Variants in RGS6 observed in about 807,000 individuals in gnomAD.
The protein encoded by RGS6 is regulator of G-protein signaling 6.
A neutral mutation model predicts 78.5 loss-of-function variants in RGS6; 30 were observed. The observed-to-expected ratio is 0.38, with a 90% CI of 0.29 to 0.52. RGS6 has a LOEUF of 0.52. Among genes scored for constraint, RGS6 ranks in the 20% least tolerant of loss-of-function variants. The pLI, the probability that RGS6 is intolerant of heterozygous loss-of-function variation, is 0.85. For missense variants in RGS6, 495 were observed against 609.7 expected (o/e 0.81, Z 1.98); for synonymous variants, 206 against 206.0 (o/e 1.00, Z 0.00).
the RGS6 span, among the ~76,000 whole-genome samples, chr14:71,901,786 T>C: frequency 6.6e-6 from 1 of 152,244 alleles, no homozygotes; most frequent in African/African-American, 2.4e-5. Context: ...AATAGAAATC[T>C]AATTTTGTAT....
rs147562940 is a variant in RGS6 at position 71,954,896 on chromosome 14, C to T, written c.-20-9876C>T. Among the ~76,000 whole-genome samples, 318 of 152,312 alleles carry T rather than the reference C, an allele frequency of 2.1e-3. 2 individuals are homozygous for T. The highest frequency in any genetic ancestry group is 2.4e-3 in the Non-Finnish European group (162 of 68,022). ...TTAATGACACAGATAATTCCAACATCCGTGACATATCTGAGTCTGATTCTG... is the reference window on the plus strand; with the variant it reads ...TTAATGACACAGATAATTCCAACATTCGTGACATATCTGAGTCTGATTCTG... On this transcript the variant is annotated intron_variant, in intron 1 of 17. Transcript: ENST00000553525.
At chr14:72,621,065 CG>C in the RGS6 span, among the ~76,000 whole-genome samples, 1 of 151,232 alleles carries the variant, frequency 6.6e-6, no homozygotes, top group Non-Finnish European at 1.5e-5. Context: ...CTCTTGAACC[CG>C]GGAGGTGGAG....
chr14:72,113,607 T>C (rs552109977), intron 2 of RGS6, among the ~76,000 whole-genome samples: 1 of 152,312 alleles, frequency 6.6e-6, no homozygotes, highest in Admixed American at 6.5e-5. Flanking sequence ...CAAAAGTTAG[T>C]TAATTATTAT....
Position 72,274,444 on chromosome 14 carries a change from A to G in RGS6, c.85-77651A>G, listed in dbSNP as rs1008498067. On this transcript the variant is annotated intron_variant, in intron 2 of 17. Coordinates refer to ENST00000553525, the MANE Select transcript of RGS6 (RefSeq NM_001204424.2). Reference sequence around the variant, plus strand: ...CCTCTGGCATCACTGCCTTCCTCCCATGGCCCCCTAGCATGAACCCAAAGA... The same window carrying G: ...CCTCTGGCATCACTGCCTTCCTCCCGTGGCCCCCTAGCATGAACCCAAAGA... Among the ~76,000 whole-genome samples the G allele has an allele frequency of 3.9e-5, 6 of 152,212 alleles. No homozygotes were observed. The East Asian group carries it at 5.8e-4, about 15-fold the overall frequency.
At chr14:72,142,503 G>A (rs1257131570) in intron 2 of RGS6, among the ~76,000 whole-genome samples, 1 of 152,194 alleles carries the variant, frequency 6.6e-6, no homozygotes, top group East Asian at 1.9e-4. Context: ...AAGGGGCCCT[G>A]AGATCATTTG....
intron 2 of RGS6, among the ~76,000 whole-genome samples, chr14:72,068,680 A>G (rs989518529): frequency 6.6e-6 from 1 of 151,500 alleles, no homozygotes; most frequent in African/African-American, 2.4e-5. Flanking sequence ...CATTTTTACC[A>G]GAGATGGGAT....
chr14:72,474,793 C>G lies in RGS6; in HGVS notation c.693+94C>G, dbSNP rs1287509398. On this transcript the variant is annotated intron_variant, in intron 10 of 17. Transcript: ENST00000553525. ...TAGTAATTTGCTACTTGTAATTCTA[C>G]CACCTTTTGTCATTTGAAACCATAA... 3.0e-6 allele frequency: 3 copies of G among 998,628 alleles called. No homozygotes were observed. In the East Asian group the frequency reaches 7.9e-5, roughly 26 times the overall value. The allele number at this position is 998,628 out of a possible 1,614,324, so 61.9% of individuals were successfully genotyped here.
intron 3 of RGS6, among the ~76,000 whole-genome samples, chr14:72,371,430 C>T (rs2083483154): frequency 6.6e-6 from 1 of 152,156 alleles, no homozygotes; most frequent in South Asian, 2.1e-4. Context: ...ATACAAACCC[C>T]TAATTGTACT....
chr14:72,050,838 G>A (rs935635462), intron 2 of RGS6, among the ~76,000 whole-genome samples: 3 of 152,176 alleles, frequency 2.0e-5, no homozygotes. Context: ...TCTGCAGGTG[G>A]ACTGCAGGAC....
chr14:72,479,276 T>C (rs764722136), intron 12 of RGS6, among the ~76,000 whole-genome samples: 7 of 152,190 alleles, frequency 4.6e-5, no homozygotes, highest in Non-Finnish European at 1.0e-4. Context: ...AAGAGTCTGA[T>C]TGAATACCCT....
At chr14:72,332,353 G>T (rs962513387) in intron 2 of RGS6, among the ~76,000 whole-genome samples, 1 of 152,196 alleles carries the variant, frequency 6.6e-6, no homozygotes, top group African/African-American at 2.4e-5. Flanking sequence ...GATTATTGTT[G>T]GGGTTTTAGA....
In RGS6 at chr14:72,560,038, C is replaced by A. The variant is rs373420563; in HGVS notation, c.1423-2379C>A. 3.3e-5 allele frequency among the ~76,000 whole-genome samples: 5 copies of A among 152,278 alleles called. No homozygotes were observed. The South Asian group carries it at 1.0e-3, about 32-fold the overall frequency. ...GTGAAGGTTTGGGCAACTGGTAAAC[C>A]TCACCTCCTTTGTCTCTGGGCTTTG... On this transcript the variant is annotated intron_variant, in intron 17 of 17. Transcript: ENST00000553525.
At chr14:72,602,195 G>A in the RGS6 span, among the ~76,000 whole-genome samples, 2 of 152,152 alleles carry the variant, frequency 1.3e-5, no homozygotes, top group Non-Finnish European at 2.9e-5. Flanking sequence ...TACTTTCCTC[G>A]GCCCTGTTCT....
chr14:72,462,838 G>T (rs761983389), intron 6 of RGS6, among the ~76,000 whole-genome samples: 35 of 152,128 alleles, frequency 2.3e-4, no homozygotes, highest in East Asian at 3.8e-4. Flanking sequence ...GGTTGCCAAG[G>T]TTACCTCCAG....
the RGS6 span, among the ~76,000 whole-genome samples, chr14:71,870,490 C>G: frequency 6.6e-6 from 1 of 152,086 alleles, no homozygotes; most frequent in Admixed American, 6.5e-5. Flanking sequence ...CTACAGAGGT[C>G]TGGGGAGTCT....
intron 3 of RGS6, among the ~76,000 whole-genome samples, chr14:72,354,059 A>G (rs906841189): frequency 6.6e-6 from 1 of 152,132 alleles, no homozygotes; most frequent in Non-Finnish European, 1.5e-5. Context: ...ATATTACTGT[A>G]TATTAACCTA....
intron 2 of RGS6, among the ~76,000 whole-genome samples, chr14:72,187,695 C>T (rs2153710623): frequency 6.6e-6 from 1 of 152,302 alleles, no homozygotes; most frequent in East Asian, 1.9e-4. Flanking sequence ...CCTCCCCTCC[C>T]TTCCCTCAGC....
chr14:72,418,171 C>CTT (rs759624780), intron 3 of RGS6, among the ~76,000 whole-genome samples: 2,388 of 146,524 alleles, frequency 0.016, 29 homozygotes, highest in Non-Finnish European at 0.028. Flanking sequence ...TCAAAATAAA[C>CTT]TTTTTTTTTT....
chr14:72,108,962 T>C (rs2095692657), intron 2 of RGS6, among the ~76,000 whole-genome samples: 1 of 152,158 alleles, frequency 6.6e-6, no homozygotes. Context: ...TTTCTCTCCA[T>C]GCTTTTCTGT....
Sources: gnomAD v4.1 joint callset for allele counts (sites outside exome capture counted in the v4.1 genomes callset) on GRCh38, gnomAD v4.1.1 for gene constraint, MANE v1.5 for transcripts, NCBI Gene and HGNC (gene_info 2026-07-23, HGNC 2026-07-21) for gene names.